Variants in MACF1 observed in about 807,000 individuals in gnomAD.
MACF1 encodes microtubule actin crosslinking factor 1.
A neutral mutation model predicts 854.8 loss-of-function variants in MACF1; 193 were observed. The ratio of observed to expected loss-of-function variants is 0.23; its 90% CI spans 0.20 to 0.25. The LOEUF (loss-of-function observed/expected upper bound fraction) is 0.25. MACF1 is among the 10% of genes least tolerant of loss of function. The pLI, the probability that MACF1 is intolerant of heterozygous loss-of-function variation, is 1.00. For missense variants in MACF1, 7,722 were observed against 8,929.1 expected, an observed-to-expected ratio of 0.86 and a Z score of 5.45; for synonymous variants, 3,185 against 3,226.7, an observed-to-expected ratio of 0.99 and a Z score of 0.44.
chr1:39,312,258 T>A (rs1646316418), intron 26 of MACF1, among the ~76,000 whole-genome samples: 1 of 152,104 alleles, frequency 6.6e-6, no homozygotes, highest in Non-Finnish European at 1.5e-5. Flanking sequence ...AAATACCTCT[T>A]CCTTTTTAAA....
rs1398429222 is a variant in MACF1, at chr1:39,231,189, G to A, written c.117G>A (p.Arg39=). The A allele has an allele frequency of 6.2e-7, 1 of 1,614,040 alleles. No individual in the cohort carries two copies. The highest frequency in any genetic ancestry group is 8.5e-7 in the Non-Finnish European group (1 of 1,179,996). The change falls in exon 2 of 101, where the codon CGG becomes CGA. Residue 39 remains arginine (R), a synonymous_variant. Coordinates refer to ENST00000564288, the MANE Select transcript of MACF1 (RefSeq NM_001394062.1). ...TCTGTGTTTCCTTTACAGATGAACGGGACCGGGTTCAGAAGAAAACGTTCA... is the reference window on the plus strand; with the variant it reads ...TCTGTGTTTCCTTTACAGATGAACGAGACCGGGTTCAGAAGAAAACGTTCA... ...KRHARGRADE[R]DRVQKKTFTK...
At chr1:39,436,788 CT>C (rs1490182927) in intron 70 of MACF1, among the ~76,000 whole-genome samples, 1 of 152,136 alleles carries the variant, frequency 6.6e-6, no homozygotes, top group South Asian at 2.1e-4. Context: ...CTGTTTTGCT[CT>C]TTTCTCTCCT....
At chr1:39,413,760 C>T in intron 58 of MACF1, 4 of 1,606,252 alleles carry the variant, frequency 2.5e-6, no homozygotes, top group Non-Finnish European at 3.4e-6. Context: ...CAGTGCCCAC[C>T]CCCGAGGAAT....
At chr1:39,381,844 A>T in intron 55 of MACF1, 109 bp from the exon 56 acceptor site, 1 of 790,834 alleles carries the variant, frequency 1.3e-6, no homozygotes, top group South Asian at 1.5e-5. Context: ...GTAAATAAAT[A>T]AATAACGCTT....
intron 2 of MACF1, among the ~76,000 whole-genome samples, chr1:39,151,173 A>T (rs962199342): frequency 2.0e-5 from 3 of 152,226 alleles, no homozygotes; most frequent in Admixed American, 6.5e-5. Context: ...ATATTTGGGA[A>T]TCATTTGATA....
At chr1:39,255,260 G>A (rs1187452047) in intron 5 of MACF1, among the ~76,000 whole-genome samples, 2 of 152,166 alleles carry the variant, frequency 1.3e-5, no homozygotes, top group Admixed American at 6.5e-5. Flanking sequence ...TGGATGAGAA[G>A]CAGAGCACAA....
chr1:39,333,986 A>G lies in MACF1; in HGVS notation c.7398A>G (p.Thr2466=). The change falls in exon 37 of 101, where the codon ACA becomes ACG. Residue 2466 remains threonine, a synonymous_variant. Transcript: ENST00000564288. The part of the protein sequence containing the change: ...RERLISLQME[T]TGLIDPDSKA... The stretch of plus-strand genomic sequence containing the variant: ...GATTAATTAGTTTACAAATGGAAAC[A>G]ACAGGACTTATAGACCCTGATAGTA... 6.2e-7 allele frequency: 1 copy of G among 1,614,240 alleles called. No homozygotes were observed. Among genetic ancestry groups the G allele is most frequent in the South Asian group, 1.1e-5 (1 of 91,086 alleles).
chr1:39,372,642 G>A (rs1171970839), intron 52 of MACF1, 46 bp downstream of exon 52: 17 of 1,341,196 alleles, frequency 1.3e-5, no homozygotes, highest in Non-Finnish European at 1.8e-5. Context: ...ATTGCTCTTT[G>A]CTTTTGGCCT....
intron 97 of MACF1, among the ~76,000 whole-genome samples, chr1:39,475,611 A>G (rs752220168): frequency 1.7e-4 from 26 of 152,018 alleles, no homozygotes; most frequent in Admixed American, 3.9e-4. Flanking sequence ...ACACCTGAGT[A>G]CAAGGGGGCA....
At position 39,467,270 on chromosome 1, in the gene MACF1, CAGG is replaced by C. The variant is rs1190743885; in HGVS notation, c.21772-1342_21772-1340del. Reference sequence around the variant, plus strand: ...GTCCCAGCTACTCGGAAGGCTGAGGCAGGAGAATGGCATGAACCCAGGAGGCGG... The same window carrying C: ...GTCCCAGCTACTCGGAAGGCTGAGGCAGAATGGCATGAACCCAGGAGGCGG... On this transcript the variant is annotated intron_variant, in intron 95 of 100. Transcript: ENST00000564288. Among the ~76,000 whole-genome samples, 5 of 152,220 alleles carry C rather than the reference CAGG, an allele frequency of 3.3e-5. No homozygotes were observed. The South Asian group carries it at 6.2e-4, about 19-fold the overall frequency.
intron 23 of MACF1, among the ~76,000 whole-genome samples, chr1:39,306,158 C>CA (rs1311643114): frequency 7.0e-6 from 1 of 142,586 alleles, no homozygotes; most frequent in Admixed American, 7.0e-5. Context: ...ACTTTCTTTA[C>CA]TTTTTTTTTT....
intron 1 of MACF1, among the ~76,000 whole-genome samples, chr1:39,229,006 A>G (rs939604892): frequency 6.6e-6 from 1 of 152,232 alleles, no homozygotes; most frequent in Admixed American, 6.5e-5. Flanking sequence ...CAGAAGTTAC[A>G]AGGAAAGCAG....
chr1:39,355,368 G>T (rs552347293), intron 44 of MACF1, among the ~76,000 whole-genome samples: 41 of 152,040 alleles, frequency 2.7e-4, no homozygotes, highest in African/African-American at 9.9e-4. Context: ...GGACACCTAG[G>T]TGATATACAG....
chr1:39,389,988 T>G (rs576092553), intron 58 of MACF1, among the ~76,000 whole-genome samples: 2 of 152,326 alleles, frequency 1.3e-5, no homozygotes, highest in South Asian at 4.1e-4. Context: ...TTCCTGAGAT[T>G]GTGTGAGTAT....
rs617577 is a variant in MACF1, at chr1:39,445,012, T to C, written c.19605+177T>C. Among the ~76,000 whole-genome samples the C allele has an allele frequency of 0.2, 29,876 of 152,180 alleles. 4,814 individuals are homozygous for C. Among genetic ancestry groups the C allele is most frequent in the African/African-American group, 0.45 (18,678 of 41,446 alleles). On this transcript the variant is annotated intron_variant, in intron 80 of 100. Coordinates refer to ENST00000564288, the MANE Select transcript of MACF1 (RefSeq NM_001394062.1). The stretch of plus-strand genomic sequence containing the variant: ...TATAAGTTTCTGTTGTTATTTGCTT[T>C]TATAATTATTCATTCCTTACCTGTT...
At chr1:39,390,612 TG>T (rs994858372) in intron 58 of MACF1, among the ~76,000 whole-genome samples, 49 of 152,290 alleles carry the variant, frequency 3.2e-4, no homozygotes, top group African/African-American at 1.1e-3. Flanking sequence ...TCCTTTCTAG[TG>T]GTAGTGTGGC....
chr1:39,131,626 TA>T (rs2148171942), intron 2 of MACF1, among the ~76,000 whole-genome samples: 1 of 152,356 alleles, frequency 6.6e-6, no homozygotes, highest in South Asian at 2.1e-4. Flanking sequence ...TCAAAGTGTC[TA>T]TAAATGTATG....
intron 36 of MACF1, 109 bp downstream of exon 36, chr1:39,327,462 C>A: frequency 8.2e-7 from 1 of 1,214,914 alleles, no homozygotes; most frequent in Non-Finnish European, 1.1e-6. Context: ...ACCAATGTGA[C>A]TTAATTTTTA....
At chr1:39,393,121 C>T (rs56166208) in intron 58 of MACF1, among the ~76,000 whole-genome samples, 1,635 of 146,906 alleles carry the variant, frequency 0.011, 22 homozygotes, top group Middle Eastern at 0.021. Context: ...AAAGGAAGGA[C>T]GTTTTTATCA....
Sources: allele counts gnomAD v4.1 joint callset (sites outside exome capture counted in the v4.1 genomes callset), GRCh38; gene constraint gnomAD v4.1.1; transcripts MANE v1.5; gene names NCBI Gene and HGNC (gene_info 2026-07-23, HGNC 2026-07-21).